Variants in TMEM150B observed in about 807,000 individuals in gnomAD.
The protein encoded by TMEM150B is modulator of macroautophagy TMEM150B.
TMEM150B carries 33 observed loss-of-function variants against 25.2 expected under a neutral mutation model. That is an observed-to-expected ratio of 1.31 (90% CI 0.99 to 1.75). The LOEUF (loss-of-function observed/expected upper bound fraction) is 1.75, where lower values mean the gene tolerates loss of function less well. Ranked by LOEUF, TMEM150B falls within the 40% of genes most tolerant of loss-of-function variation. The pLI, the probability that TMEM150B is intolerant of heterozygous loss-of-function variation, is 0.00. For missense variants in TMEM150B, 322 were observed against 306.1 expected (o/e 1.05, Z -0.39); for synonymous variants, 133 against 134.8 (o/e 0.99, Z 0.09).
At chr19:55,312,696 C>T, downstream of TMEM150B, 1 of 801,142 alleles carries the variant, frequency 1.2e-6, no homozygotes, top group Non-Finnish European at 1.9e-6. Context: ...GTTCAGAGGC[C>T]CTCCGCGCCG....
chr19:55,321,732 C>A (rs2089211725), intron 2 of TMEM150B, among the ~76,000 whole-genome samples: 1 of 152,116 alleles, frequency 6.6e-6, no homozygotes, highest in South Asian at 2.1e-4. Context: ...AATTCCGGGG[C>A]CCCAGTTCCT....
downstream of TMEM150B, among the ~76,000 whole-genome samples, chr19:55,310,135 T>C (rs1212839818): frequency 1.3e-5 from 2 of 152,144 alleles, no homozygotes; most frequent in African/African-American, 2.4e-5. The surrounding 1 kb of genome is among the most constrained non-coding windows in gnomAD (Gnocchi z 5.0). Context: ...ATGGCCGCCG[T>C]CAACAAATGA....
At chr19:55,311,812 T>G, downstream of TMEM150B, 6 of 1,309,974 alleles carry the variant, frequency 4.6e-6, no homozygotes, top group Non-Finnish European at 6.3e-6. Flanking sequence ...TCGGGGTTAC[T>G]GAGACCGACT....
At chr19:55,319,948 C>G (rs561753947) in intron 6 of TMEM150B, 91 bp downstream of exon 6, 3 of 1,570,042 alleles carry the variant, frequency 1.9e-6, no homozygotes, top group South Asian at 2.3e-5. Flanking sequence ...AACCAGCCCC[C>G]GAGACAATAA....
At chr19:55,324,672 TAAATA>T (rs1009661431) in intron 1 of TMEM150B, 2 of 931,172 alleles carry the variant, frequency 2.1e-6, no homozygotes, top group Non-Finnish European at 2.6e-6. Context: ...ATAAAATAAA[TAAATA>T]AAATAAAAAA....
At chr19:55,317,095 A>G in intron 6 of TMEM150B, 129 bp from the exon 7 acceptor site, 2 of 748,490 alleles carry the variant, frequency 2.7e-6, no homozygotes, top group African/African-American at 1.8e-5. Flanking sequence ...TGATGGGCTT[A>G]TTAAGCACAT....
rs2089153382 is a variant in TMEM150B, at chr19:55,320,061, G to A, written c.302C>T (p.Thr101Ile). 1 of 1,614,052 alleles carries A rather than the reference G, an allele frequency of 6.2e-7. No individual in the cohort carries two copies. The highest frequency in any genetic ancestry group is 1.1e-5 in the South Asian group (1 of 91,082). The change falls in exon 6 of 8, where the codon ACC (threonine) becomes ATC (isoleucine). Residue 101 changes from threonine (T) to isoleucine (I), a missense_variant. Thr to Ile is a moderately conservative substitution (Grantham distance 89). Coordinates refer to ENST00000326652, the MANE Select transcript of TMEM150B (RefSeq NM_001282011.2). Reference sequence around the variant, plus strand: ...CACCTGGAAATTGCCTACCACGGAGGTGCCCAGGGCACACAGAAGACCCGT... The same window carrying A: ...CACCTGGAAATTGCCTACCACGGAGATGCCCAGGGCACACAGAAGACCCGT... ...LWTGLLCALGTSVVGNFQEKN... is the reference protein window; with the variant it reads ...LWTGLLCALGISVVGNFQEKN...
intron 5 of TMEM150B, 39 bp downstream of exon 5, chr19:55,320,352 G>A: frequency 6.6e-7 from 1 of 1,511,796 alleles, no homozygotes; most frequent in Non-Finnish European, 8.9e-7. Context: ...GCTTGGCTGG[G>A]CTTGGGAGCA....
chr19:55,312,854 G>T lies in TMEM150B; in HGVS notation c.*5C>A. The T allele has an allele frequency of 6.3e-7, 1 of 1,578,586 alleles. No homozygotes were observed. The highest frequency in any genetic ancestry group is 8.6e-7 in the Non-Finnish European group (1 of 1,163,554). ...GTGAGGGCAAGGCCCGGGTCAGGGTGCCTGCTACAGCTGGACCGGCAGGGA... is the reference window on the plus strand; with the variant it reads ...GTGAGGGCAAGGCCCGGGTCAGGGTTCCTGCTACAGCTGGACCGGCAGGGA... On this transcript the variant is annotated 3_prime_UTR_variant, in exon 8 of 8. Transcript: ENST00000326652.
At position 55,320,416 on chromosome 19, in the gene TMEM150B, C is replaced by A; in HGVS notation, c.171G>T (p.Gln57His). 6.3e-7 allele frequency: 1 copy of A among 1,575,526 alleles called. No homozygotes were observed. Among genetic ancestry groups the A allele is most frequent in the Non-Finnish European group, 8.6e-7 (1 of 1,159,032 alleles). The change falls in exon 5 of 8, where the codon CAG becomes CAT. Residue 57 changes from glutamine (Q) to histidine (H), a missense_variant. By Grantham distance (24) the Gln-to-His change is conservative (BLOSUM62 0). Transcript: ENST00000326652. ...CCAGAGCAGCTCCCATATTGAGCAC[C>A]TGGCTGAAGATGCAGCTCTGAGGGG... ...SFPPQSCIFS[Q>H]VLNMGAALAA...
downstream of TMEM150B, chr19:55,312,645 G>C (rs2088836106): frequency 3.9e-6 from 2 of 508,880 alleles, no homozygotes; most frequent in East Asian, 3.3e-5. Context: ...TGCAGGGGCA[G>C]GGCCCGAAGG....
At chr19:55,316,575 G>C (rs1443533059) in intron 7 of TMEM150B, among the ~76,000 whole-genome samples, 2 of 151,936 alleles carry the variant, frequency 1.3e-5, no homozygotes, top group Admixed American at 1.3e-4. Context: ...GCCCGCGGAA[G>C]TTTCCCCCAG....
chr19:55,312,179 A>C, downstream of TMEM150B: 3 of 542,272 alleles, frequency 5.5e-6, no homozygotes, highest in Non-Finnish European at 9.6e-6. Context: ...GGTGGACACA[A>C]AAACCGGCCT....
downstream of TMEM150B, chr19:55,312,766 T>G: frequency 7.5e-7 from 1 of 1,335,512 alleles, no homozygotes; most frequent in Admixed American, 2.5e-5. Context: ...TGGAGAGATC[T>G]CCAGTGGCTC....
chr19:55,324,996 G>A, intron 1 of TMEM150B: 1 of 459,864 alleles, frequency 2.2e-6, no homozygotes, highest in Non-Finnish European at 2.9e-6. Context: ...CTGATCTCCT[G>A]CCCTGCCCTG....
At chr19:55,325,237 A>T in intron 1 of TMEM150B, 35 bp downstream of exon 1, 3 of 981,250 alleles carry the variant, frequency 3.1e-6, no homozygotes, top group Non-Finnish European at 2.4e-6. Flanking sequence ...CAGCCTGCCG[A>T]GCTACTTTCA....
At chr19:55,315,537 G>A (rs181957439) in intron 7 of TMEM150B, among the ~76,000 whole-genome samples, 499 of 152,132 alleles carry the variant, frequency 3.3e-3, no homozygotes, top group African/African-American at 0.011. Context: ...CAAAGTGGGC[G>A]CATCACAAGG....
At chr19:55,316,360 A>ACCAC (rs10638101) in intron 7 of TMEM150B, among the ~76,000 whole-genome samples, 73,838 of 151,302 alleles carry the variant, frequency 0.49, 18,552 homozygotes, top group African/African-American at 0.54. Context: ...ACTCGTAACC[A>ACCAC]CATGATTCCT....
chr19:55,321,080 T>C lies in TMEM150B; in HGVS notation c.-44A>G, dbSNP rs1485293481. 1.9e-6 allele frequency: 3 copies of C among 1,589,678 alleles called. No homozygotes were observed. The highest frequency in any genetic ancestry group is 2.6e-6 in the Non-Finnish European group (3 of 1,168,082). On this transcript the variant is annotated 5_prime_UTR_variant, in exon 3 of 8. Coordinates refer to ENST00000326652, the MANE Select transcript of TMEM150B (RefSeq NM_001282011.2). ...AGGATCGGGGCTGAGGCTGGACACC[T>C]GTCTCTCTCACACCTGAAGAACCAG...
Sources: allele counts gnomAD v4.1 joint callset (sites outside exome capture counted in the v4.1 genomes callset), GRCh38; gene constraint gnomAD v4.1.1; non-coding constraint Gnocchi (gnomAD v3.1); transcripts MANE v1.5; gene names NCBI Gene and HGNC (gene_info 2026-07-23, HGNC 2026-07-21).